Variants in FER observed in about 807,000 individuals in gnomAD.
The protein encoded by FER is FER tyrosine kinase, also known as tyrosine-protein kinase Fer.
In FER, 63 loss-of-function variants were observed where a neutral mutation model predicts 111.0. That is an observed-to-expected ratio of 0.57 (90% confidence interval 0.46 to 0.70). The LOEUF (loss-of-function observed/expected upper bound fraction) is 0.70, where lower values mean the gene tolerates loss of function less well. Among genes scored for constraint, FER ranks in the 30% least tolerant of loss-of-function variants. FER has a pLI of 0.00. For synonymous variants in FER, 327 were observed against 313.9 expected (o/e 1.04, Z -0.44); for missense variants, 914 against 954.0 (o/e 0.96, Z 0.55).
chr5:108,905,277 G>GAATGGCCTATAT (rs1277126760), intron 10 of FER, among the ~76,000 whole-genome samples: 24 of 152,142 alleles, frequency 1.6e-4, no homozygotes, highest in Middle Eastern at 3.4e-3. Context: ...ATATGAAGTT[G>GAATGGCCTATAT]ATATATAGGC....
intron 10 of FER, among the ~76,000 whole-genome samples, chr5:108,943,091 C>G (rs1419179061): frequency 6.6e-6 from 1 of 152,098 alleles, no homozygotes; most frequent in Non-Finnish European, 1.5e-5. Flanking sequence ...CAGTAAAGGT[C>G]TTCCTTTCAC....
chr5:108,949,770 A>G (rs1174949161), intron 11 of FER, among the ~76,000 whole-genome samples: 1 of 152,134 alleles, frequency 6.6e-6, no homozygotes, highest in African/African-American at 2.4e-5. Flanking sequence ...AGCATTGAAT[A>G]TAGTTAATTG....
At chr5:108,929,980 T>C (rs897558891) in intron 10 of FER, among the ~76,000 whole-genome samples, 1 of 152,174 alleles carries the variant, frequency 6.6e-6, no homozygotes, top group South Asian at 2.1e-4. Context: ...AGGTAAGTTA[T>C]TGTTTTAAAA....
At chr5:109,138,356 C>G (rs1378110586) in intron 17 of FER, among the ~76,000 whole-genome samples, 1 of 152,026 alleles carries the variant, frequency 6.6e-6, no homozygotes, top group East Asian at 1.9e-4. Context: ...TCAAAGGACA[C>G]AAACTTTGAG....
At chr5:108,840,959 C>T (rs940833387) in intron 5 of FER, among the ~76,000 whole-genome samples, 1 of 152,108 alleles carries the variant, frequency 6.6e-6, no homozygotes, top group Non-Finnish European at 1.5e-5. Context: ...TCATCCTTGC[C>T]AGTAGCAATA....
At chr5:109,102,859 G>GT (rs1485377769) in intron 17 of FER, among the ~76,000 whole-genome samples, 2 of 151,818 alleles carry the variant, frequency 1.3e-5, no homozygotes, top group South Asian at 2.1e-4. Flanking sequence ...TTTGTGTTGA[G>GT]TTTTTTTATA....
chr5:109,068,194 A>G (rs1429235521), intron 16 of FER, among the ~76,000 whole-genome samples: 1 of 137,952 alleles, frequency 7.2e-6, no homozygotes, highest in African/African-American at 2.7e-5. Context: ...TTTTTTTTTC[A>G]TTTTTTTGAG....
intron 18 of FER, 126 bp from the exon 19 acceptor site, chr5:109,186,074 T>C (rs1451820368): frequency 3.4e-5 from 45 of 1,315,560 alleles, no homozygotes; most frequent in African/African-American, 1.4e-5. Flanking sequence ...CACTGTCATA[T>C]ATGTGCTCCA....
intron 16 of FER, among the ~76,000 whole-genome samples, chr5:109,057,476 G>T (rs1016692459): frequency 6.6e-6 from 1 of 152,058 alleles, no homozygotes; most frequent in African/African-American, 2.4e-5. Context: ...TGAATGTTAT[G>T]AATAACTTTA....
intron 17 of FER, among the ~76,000 whole-genome samples, chr5:109,100,792 G>A (rs895191773): frequency 6.6e-6 from 1 of 151,784 alleles, no homozygotes; most frequent in Non-Finnish European, 1.5e-5. Context: ...GACATGGAAT[G>A]TACTACAATT....
chr5:109,102,195 G>A (rs1748312317), intron 17 of FER, among the ~76,000 whole-genome samples: 2 of 152,204 alleles, frequency 1.3e-5, no homozygotes, highest in South Asian at 4.2e-4. Flanking sequence ...ATTATCTGCT[G>A]TAATGTTGTT....
At chr5:108,926,718 T>G (rs945869561) in intron 10 of FER, among the ~76,000 whole-genome samples, 2 of 152,218 alleles carry the variant, frequency 1.3e-5, no homozygotes, top group African/African-American at 4.8e-5. Context: ...CCACACTCAC[T>G]TGGAGACATA....
chr5:108,895,678 A>G (rs1200347751), intron 9 of FER, among the ~76,000 whole-genome samples: 1 of 152,172 alleles, frequency 6.6e-6, no homozygotes, highest in Non-Finnish European at 1.5e-5. Flanking sequence ...CAACATCCTC[A>G]ATTTAATCAT....
chr5:109,124,504 G>GT (rs1339927608), intron 17 of FER, among the ~76,000 whole-genome samples: 1 of 152,176 alleles, frequency 6.6e-6, no homozygotes, highest in African/African-American at 2.4e-5. Context: ...ATTCAGAAAA[G>GT]TATCAGTTGT....
At chr5:109,027,622 A>G (rs1241468205) in intron 13 of FER, among the ~76,000 whole-genome samples, 1 of 152,152 alleles carries the variant, frequency 6.6e-6, no homozygotes, top group Admixed American at 6.6e-5. Context: ...AACTTTAGGA[A>G]GAAATGGCAC....
intron 13 of FER, among the ~76,000 whole-genome samples, chr5:108,967,294 A>G (rs1283950136): frequency 6.6e-6 from 1 of 152,166 alleles, no homozygotes; most frequent in Non-Finnish European, 1.5e-5. Context: ...CTCTCAGCAG[A>G]GAGGGGACAT....
At chr5:109,047,007 G>T (rs561533042) in intron 15 of FER, 97 bp from the exon 16 acceptor site, 2 of 591,530 alleles carry the variant, frequency 3.4e-6, no homozygotes, top group Non-Finnish European at 5.7e-6. Flanking sequence ...ATTGAATTAT[G>T]ATTCAAGAGT....
intron 10 of FER, among the ~76,000 whole-genome samples, chr5:108,902,465 T>C (rs1412805414): frequency 1.3e-5 from 2 of 152,188 alleles, no homozygotes; most frequent in African/African-American, 2.4e-5. Flanking sequence ...ATTTGAGTCA[T>C]GTTGGGTGAA....
chr5:108,767,608 C>G (rs967198944), intron 1 of FER, among the ~76,000 whole-genome samples: 12 of 152,142 alleles, frequency 7.9e-5, no homozygotes, highest in Admixed American at 6.5e-5. Context: ...CCTCATCTTC[C>G]CAAATAGCTG....
Sources: gnomAD v4.1 joint callset for allele counts (sites outside exome capture counted in the v4.1 genomes callset) on GRCh38, gnomAD v4.1.1 for gene constraint, MANE v1.5 for transcripts, NCBI Gene and HGNC (gene_info 2026-07-23, HGNC 2026-07-21) for gene names.